The following ECPAS variants were observed in gnomAD, a reference collection of about 807,000 sequenced individuals.
ECPAS encodes the protein proteasome adapter and scaffold protein ECM29.
In ECPAS, 70 loss-of-function variants were observed where a neutral mutation model predicts 255.1. The observed-to-expected ratio is 0.27, with a 90% confidence interval of 0.23 to 0.33. The LOEUF is 0.33. Among genes scored for constraint, ECPAS ranks in the 10% least tolerant of loss-of-function variants. The pLI, the probability that ECPAS is intolerant of heterozygous loss-of-function variation, is 1.00. For missense variants in ECPAS, 1,817 were observed against 2,206.4 expected (o/e 0.82, Z 3.54); for synonymous variants, 784 against 775.0 (o/e 1.01, Z -0.19).
chr9:111,361,750 C>A lies in ECPAS; in HGVS notation c.*280G>T. 1 of 239,968 alleles carries A rather than the reference C, an allele frequency of 4.2e-6. No homozygotes were observed. 14.9% of individuals were successfully genotyped at this position (239,968 alleles called of 1,614,324 possible). A position where few individuals can be genotyped will look rare whatever the true frequency, so the allele number is the denominator to read the frequency against. ...CTCTGTCTATTAATTCCTTTAATAA[C>A]AGCTTGAACTCTTTTAGTAACTATT... is the stretch of plus-strand genomic sequence containing the variant. On this transcript the variant is annotated 3_prime_UTR_variant, in exon 50 of 50. Transcript: ENST00000684092.
intron 6 of ECPAS, among the ~76,000 whole-genome samples, chr9:111,438,846 G>C (rs12115453): frequency 0.01 from 1,557 of 152,304 alleles, 28 homozygotes; most frequent in African/African-American, 0.035. Context: ...GAACAAATTT[G>C]TTCATCACAC....
At chr9:111,400,791 AG>A (rs1357838349) in intron 24 of ECPAS, among the ~76,000 whole-genome samples, 2 of 152,234 alleles carry the variant, frequency 1.3e-5, no homozygotes, top group African/African-American at 2.4e-5. Context: ...AGCTTCAAAG[AG>A]GCTAAGAGTT....
intron 34 of ECPAS, among the ~76,000 whole-genome samples, chr9:111,383,746 C>A (rs1478939251): frequency 1.3e-5 from 2 of 152,010 alleles, no homozygotes; most frequent in Non-Finnish European, 2.9e-5. Flanking sequence ...CATGAAGAGA[C>A]CCTGTCTCTA....
intron 38 of ECPAS, among the ~76,000 whole-genome samples, 160 bp from the exon 39 acceptor site, chr9:111,374,198 A>G (rs551958640): frequency 2.1e-4 from 32 of 152,338 alleles, no homozygotes; most frequent in African/African-American, 7.7e-4. Flanking sequence ...TAAACTAGTA[A>G]TGCAGCGATT....
chr9:111,478,404 G>A (rs2085526250), intron 1 of ECPAS, among the ~76,000 whole-genome samples: 1 of 152,060 alleles, frequency 6.6e-6, no homozygotes, highest in South Asian at 2.1e-4. Flanking sequence ...TCGCACACCT[G>A]TAATCCCAGC....
rs1412413493 is a variant in ECPAS, at chr9:111,414,511, G to C, written c.1905C>G (p.Pro635=). 6.2e-7 allele frequency: 1 copy of C among 1,614,026 alleles called. No homozygotes were observed. The part of the protein sequence containing the change: ...RTLMSSGQMA[P]SSSNKSGETN... Reference sequence around the variant, plus strand: ...TCTCCCCACTCTTGTTAGATGATGAGGGTGCCATCTGCCCGCTTGACATTA... The same window carrying C: ...TCTCCCCACTCTTGTTAGATGATGACGGTGCCATCTGCCCGCTTGACATTA... Residue 635 remains proline (P), a synonymous_variant, in exon 19 of 50, where the codon CCC becomes CCG. Coordinates refer to ENST00000684092, the MANE Select transcript of ECPAS (RefSeq NM_001364929.1).
At chr9:111,403,982 G>C (rs1465573760) in intron 24 of ECPAS, among the ~76,000 whole-genome samples, 2 of 149,342 alleles carry the variant, frequency 1.3e-5, no homozygotes, top group Non-Finnish European at 2.9e-5. Flanking sequence ...GAAATACATG[G>C]AAATTAAACA....
chr9:111,397,428 T>C (rs895263174), intron 24 of ECPAS, among the ~76,000 whole-genome samples: 2 of 152,174 alleles, frequency 1.3e-5, no homozygotes, highest in African/African-American at 4.8e-5. Context: ...TCTGGAAGCA[T>C]AATATGGTTC....
intron 18 of ECPAS, among the ~76,000 whole-genome samples, chr9:111,414,879 T>C (rs1371111455): frequency 6.6e-6 from 1 of 152,206 alleles, no homozygotes; most frequent in Non-Finnish European, 1.5e-5. Flanking sequence ...ACTGAACTTT[T>C]AAAGTCAGAA....
At chr9:111,481,220 G>C (rs2098304551) in intron 1 of ECPAS, among the ~76,000 whole-genome samples, 1 of 152,220 alleles carries the variant, frequency 6.6e-6, no homozygotes, top group Non-Finnish European at 1.5e-5. Flanking sequence ...GTGGGGGCCG[G>C]GCGCGGTGGC....
At chr9:111,438,856 C>A (rs967892647) in intron 6 of ECPAS, among the ~76,000 whole-genome samples, 5 of 152,192 alleles carry the variant, frequency 3.3e-5, no homozygotes, top group South Asian at 2.1e-4. Flanking sequence ...GTTCATCACA[C>A]CGCATGAACT....
intron 3 of ECPAS, among the ~76,000 whole-genome samples, chr9:111,447,914 T>C (rs1057254773): frequency 5.9e-5 from 9 of 152,100 alleles, no homozygotes. Context: ...ACACCAGTGT[T>C]GACAGTTTGA....
chr9:111,438,177 T>A (rs191689597), intron 6 of ECPAS, among the ~76,000 whole-genome samples: 75 of 152,332 alleles, frequency 4.9e-4, no homozygotes, highest in African/African-American at 1.8e-3. Context: ...TAAATCTGAA[T>A]TTCAAGGTTT....
chr9:111,478,987 C>T (rs1483649405), intron 1 of ECPAS, among the ~76,000 whole-genome samples: 3 of 152,156 alleles, frequency 2.0e-5, no homozygotes, highest in Non-Finnish European at 4.4e-5. Flanking sequence ...TCATCATACA[C>T]ACTCTGACTA....
chr9:111,408,894 A>G (rs937706059), intron 23 of ECPAS, among the ~76,000 whole-genome samples: 18 of 152,208 alleles, frequency 1.2e-4, no homozygotes, highest in African/African-American at 4.1e-4. Flanking sequence ...GCAAAAGAAG[A>G]AGGAAGAAAG....
chr9:111,381,219 G>A (rs2131559292), intron 35 of ECPAS, among the ~76,000 whole-genome samples: 1 of 152,218 alleles, frequency 6.6e-6, no homozygotes, highest in East Asian at 1.9e-4. Context: ...TTAGACAGAG[G>A]GCATTGTGGG....
intron 23 of ECPAS, 31 bp downstream of exon 23, chr9:111,410,010 C>T: frequency 6.6e-7 from 1 of 1,521,102 alleles, no homozygotes; most frequent in Non-Finnish European, 8.9e-7. Flanking sequence ...GACCGAATTC[C>T]AGAAAGGGAA....
At chr9:111,407,432 A>AAAAAAAAC (rs2098186587) in intron 24 of ECPAS, among the ~76,000 whole-genome samples, 3 of 142,754 alleles carry the variant, frequency 2.1e-5, no homozygotes, top group Non-Finnish European at 1.6e-5. Flanking sequence ...AAAAAAAAAA[A>AAAAAAAAC]AAAAAACCTA....
At chr9:111,395,972 T>C (rs571986463) in intron 25 of ECPAS, among the ~76,000 whole-genome samples, 28 of 152,358 alleles carry the variant, frequency 1.8e-4, no homozygotes, top group Admixed American at 5.2e-4. Flanking sequence ...TGTTTTTCTA[T>C]TTCCTTTAAA....
Sources: allele counts gnomAD v4.1 joint callset (sites outside exome capture counted in the v4.1 genomes callset), GRCh38; gene constraint gnomAD v4.1.1; transcripts MANE v1.5; gene names NCBI Gene and HGNC (gene_info 2026-07-23, HGNC 2026-07-21).